The following SCP2 variants were observed in gnomAD, a reference collection of about 807,000 sequenced individuals.
SCP2 encodes SCP-2/3-oxoacyl-CoA thiolase.
Under a neutral mutation model 71.4 loss-of-function variants are expected in SCP2, and 48 were observed. The observed-to-expected ratio is 0.67, with a 90% CI of 0.53 to 0.86. The LOEUF is 0.86. SCP2 is among the 40% of genes least tolerant of loss of function. The pLI, the probability that SCP2 is intolerant of heterozygous loss-of-function variation, is 0.00. For synonymous variants in SCP2, 220 were observed against 218.1 expected (o/e 1.01, Z -0.08); for missense variants, 560 against 655.6 (o/e 0.85, Z 1.59).
At chr1:53,011,878 CT>C (rs1661008758) in intron 11 of SCP2, among the ~76,000 whole-genome samples, 1 of 152,140 alleles carries the variant, frequency 6.6e-6, no homozygotes, top group East Asian at 1.9e-4. Flanking sequence ...TTACATCTAG[CT>C]TTTAATTTAC....
At chr1:52,954,700 G>T in intron 4 of SCP2, 40 bp from the exon 5 acceptor site, 1 of 1,532,454 alleles carries the variant, frequency 6.5e-7, no homozygotes, top group South Asian at 1.1e-5. Context: ...GTTGGTGTTT[G>T]GAAATTTGAA....
chr1:52,952,605 T>A (rs1183287311), intron 4 of SCP2, among the ~76,000 whole-genome samples: 1 of 152,108 alleles, frequency 6.6e-6, no homozygotes, highest in Non-Finnish European at 1.5e-5. Flanking sequence ...TTGGCTGTTA[T>A]GAATAATGCT....
In SCP2 at chr1:52,961,550, C is replaced by A; in HGVS notation, c.444C>A (p.Ile148=). 2 of 1,613,724 alleles carry A rather than the reference C, an allele frequency of 1.2e-6. No homozygotes were observed. The highest frequency in any genetic ancestry group is 1.1e-5 in the South Asian group (1 of 91,062). Residue 148 remains isoleucine (I), a synonymous_variant, in exon 6 of 16, where the codon ATC becomes ATA. Transcript: ENST00000371514. ...IPTDKHVDLL[I]NKYGLSAHPV... is the part of the protein sequence containing the mutation. ...CTGATAAGCATGTTGACCTCCTGAT[C>A]AATAAGTATGGATTGTCTGCTCACC... is the stretch of plus-strand genomic sequence containing the variant.
chr1:52,951,731 T>G (rs1047862147), intron 4 of SCP2, among the ~76,000 whole-genome samples: 9 of 151,866 alleles, frequency 5.9e-5, no homozygotes, highest in African/African-American at 2.2e-4. Context: ...ACTTTTTTTT[T>G]TTTGAGAGGG....
chr1:52,996,812 A>C (rs1020726062), intron 11 of SCP2, among the ~76,000 whole-genome samples: 1 of 152,256 alleles, frequency 6.6e-6, no homozygotes, highest in Non-Finnish European at 1.5e-5. Flanking sequence ...TATGTGGGAT[A>C]GTATATACTG....
chr1:52,995,115 G>A (rs1272858662), intron 11 of SCP2: 2 of 497,152 alleles, frequency 4.0e-6, no homozygotes, highest in Non-Finnish European at 8.1e-6. Flanking sequence ...GTGACTGCCT[G>A]CAGGGCTTGC....
chr1:53,051,592 T>C lies in SCP2; in HGVS notation c.*888T>C, dbSNP rs1466414073. On this transcript the variant is annotated 3_prime_UTR_variant, in exon 16 of 16. Coordinates refer to ENST00000371514, the MANE Select transcript of SCP2 (RefSeq NM_002979.5). ...TTGAGAAGAATGTTTAATAGAAAATTAAAATAACTTTTTCTGGCCTCTCTT... is the reference window on the plus strand; with the variant it reads ...TTGAGAAGAATGTTTAATAGAAAATCAAAATAACTTTTTCTGGCCTCTCTT... 3.9e-5 allele frequency: 6 copies of C among 152,102 alleles called. No homozygotes were observed. The highest frequency in any genetic ancestry group is 2.1e-4 in the South Asian group (1 of 4,830). 9.4% of individuals were successfully genotyped at this position (152,102 alleles called of 1,614,324 possible). A position where few individuals can be genotyped will look rare whatever the true frequency, so the allele number is the denominator to read the frequency against.
chr1:53,044,535 G>C (rs1334526753), intron 14 of SCP2, among the ~76,000 whole-genome samples: 1 of 152,182 alleles, frequency 6.6e-6, no homozygotes, highest in African/African-American at 2.4e-5. Context: ...ACTGACAAGG[G>C]CTCTGCCCCC....
At chr1:53,008,658 C>T (rs750593911) in intron 11 of SCP2, among the ~76,000 whole-genome samples, 2 of 152,230 alleles carry the variant, frequency 1.3e-5, no homozygotes, top group South Asian at 4.1e-4. Context: ...TTATGACAAA[C>T]CCACAGCCAA....
At chr1:52,930,786 C>G (rs1224098861) in intron 1 of SCP2, among the ~76,000 whole-genome samples, 2 of 152,154 alleles carry the variant, frequency 1.3e-5, no homozygotes, top group East Asian at 3.8e-4. Context: ...GGGCTAAGTA[C>G]TTTATTTTGG....
At chr1:52,962,550 A>G (rs1055338197) in intron 6 of SCP2, among the ~76,000 whole-genome samples, 2 of 152,120 alleles carry the variant, frequency 1.3e-5, no homozygotes, top group Non-Finnish European at 2.9e-5. Context: ...CTTATGGCCT[A>G]TGAGCTTCTA....
intron 6 of SCP2, among the ~76,000 whole-genome samples, chr1:52,964,288 G>A (rs1392453035): frequency 2.1e-5 from 3 of 146,324 alleles, no homozygotes; most frequent in South Asian, 2.1e-4. Flanking sequence ...TGCAAGCTCC[G>A]CCTCCTGGGT....
rs1654152482 is a variant in SCP2 at position 52,940,704 on chromosome 1, T to C, written c.70-1092T>C. ...AGCGCCCAATAAATATTAGTTGTTA[T>C]CATTGTTTGGACCTAAGGTACTTTT... On this transcript the variant is annotated intron_variant, in intron 1 of 15. Transcript: ENST00000371514. Among the ~76,000 whole-genome samples the C allele has an allele frequency of 2.0e-5, 3 of 152,210 alleles. No homozygotes were observed. In the South Asian group the frequency reaches 6.2e-4, roughly 32 times the overall value.
chr1:53,022,644 A>T (rs865993524), intron 12 of SCP2, among the ~76,000 whole-genome samples: 1 of 152,174 alleles, frequency 6.6e-6, no homozygotes, highest in Non-Finnish European at 1.5e-5. Flanking sequence ...TCTTTGTTTA[A>T]TCCTCATAAA....
In SCP2 at chr1:53,003,512, G is replaced by A. The variant is rs1660449128; in HGVS notation, c.1082-11378G>A. Reference sequence around the variant, plus strand: ...TGAGATTATAGGCATGAGCCATCATGCCTTCTTTTTCTTTTTTTGAGATAG... The same window carrying A: ...TGAGATTATAGGCATGAGCCATCATACCTTCTTTTTCTTTTTTTGAGATAG... On this transcript the variant is annotated intron_variant, in intron 11 of 15. Coordinates refer to ENST00000371514, the MANE Select transcript of SCP2 (RefSeq NM_002979.5). Among the ~76,000 whole-genome samples, 4 of 152,046 alleles carry A rather than the reference G, an allele frequency of 2.6e-5. No homozygotes were observed. In the South Asian group the frequency reaches 8.3e-4, roughly 32 times the overall value.
intron 5 of SCP2, among the ~76,000 whole-genome samples, chr1:52,957,004 G>A (rs1655873005): frequency 1.3e-5 from 2 of 150,176 alleles, no homozygotes; most frequent in African/African-American, 4.9e-5. Context: ...CCGCCTCCTG[G>A]GTTCAAGCGA....
intron 14 of SCP2, among the ~76,000 whole-genome samples, chr1:53,040,610 A>G (rs1185348650): frequency 2.6e-5 from 4 of 152,044 alleles, no homozygotes; most frequent in Admixed American, 6.5e-5. Flanking sequence ...AGCCCCAGCT[A>G]CTCAGGAGGC....
chr1:52,987,961 T>C (rs1244327762), intron 10 of SCP2, 68 bp from the exon 11 acceptor site: 2 of 864,244 alleles, frequency 2.3e-6, no homozygotes, highest in African/African-American at 3.4e-5. Context: ...TATGGAAATC[T>C]TATAAAAGCA....
chr1:52,983,802 T>G (rs1190934940), intron 10 of SCP2, among the ~76,000 whole-genome samples: 1 of 152,240 alleles, frequency 6.6e-6, no homozygotes, highest in Non-Finnish European at 1.5e-5. Context: ...GTTTTGCATC[T>G]GTTGATTGTC....
Sources: gnomAD v4.1 joint callset for allele counts (sites outside exome capture counted in the v4.1 genomes callset) on GRCh38, gnomAD v4.1.1 for gene constraint, MANE v1.5 for transcripts, NCBI Gene and HGNC (gene_info 2026-07-23, HGNC 2026-07-21) for gene names.